ZXDC: variants seen among roughly 807,000 people sequenced by gnomAD.
ZXDC encodes the protein ZXD family zinc finger C.
ZXDC carries 58 observed loss-of-function variants against 63.6 expected under a neutral mutation model. The ratio of observed to expected loss-of-function variants is 0.91; its 90% CI spans 0.74 to 1.13. ZXDC has a LOEUF of 1.13. ZXDC is among the 50% of genes most tolerant of loss of function. ZXDC has a pLI of 0.00. For synonymous variants in ZXDC, 561 were observed against 496.1 expected, an observed-to-expected ratio of 1.13 and a Z score of -1.74; for missense variants, 1,133 against 1,148.9, an observed-to-expected ratio of 0.99 and a Z score of 0.20.
At chr3:126,472,384 G>C in intron 1 of ZXDC, 79 bp from the exon 2 acceptor site, 1 of 1,527,776 alleles carries the variant, frequency 6.5e-7, no homozygotes, top group South Asian at 1.2e-5. Flanking sequence ...ACACCCACCA[G>C]ACCCTGTTCA....
intron 7 of ZXDC, chr3:126,452,249 G>A (rs989855768): frequency 3.2e-5 from 32 of 985,254 alleles, no homozygotes; most frequent in Middle Eastern, 5.2e-4. Flanking sequence ...GTCATTTTCC[G>A]TTTTCTTAGA....
intron 7 of ZXDC, among the ~76,000 whole-genome samples, chr3:126,444,141 C>T (rs1015177784): frequency 1.3e-5 from 2 of 152,134 alleles, no homozygotes; most frequent in Non-Finnish European, 2.9e-5. Context: ...GCAGCAGGGC[C>T]GGTGCTGCAG....
At chr3:126,456,788 G>A (rs1314565915) in intron 7 of ZXDC, among the ~76,000 whole-genome samples, 1 of 152,174 alleles carries the variant, frequency 6.6e-6, no homozygotes, top group Non-Finnish European at 1.5e-5. Context: ...CCCACATACA[G>A]TCTCAAAGCA....
chr3:126,475,357 G>GGGCCGGAGGCCTGGGGCGCGCGGC lies in ZXDC; in HGVS notation c.485_508dup (p.Arg162_Gly169dup). ...GGGGCAGCGGTAGCCGGGCGTGCTG[G>GGGCCGGAGGCCTGGGGCGCGCGGC]GGCCGGAGGCCTGGGGCGCGCGGCG... On this transcript the variant is annotated inframe_insertion, in exon 1 of 10. Coordinates refer to ENST00000389709, the MANE Select transcript of ZXDC (RefSeq NM_025112.5). 1 of 1,482,916 alleles carries GGGCCGGAGGCCTGGGGCGCGCGGC rather than the reference G, an allele frequency of 6.7e-7. No homozygotes were observed. Among genetic ancestry groups the GGGCCGGAGGCCTGGGGCGCGCGGC allele is most frequent in the Non-Finnish European group, 9.0e-7 (1 of 1,116,804 alleles). The allele number at this position is 1,482,916 out of a possible 1,614,324, so 91.9% of individuals were successfully genotyped here.
intron 7 of ZXDC, chr3:126,453,653 C>T: frequency 7.1e-6 from 7 of 985,434 alleles, no homozygotes; most frequent in Non-Finnish European, 8.4e-6. Flanking sequence ...CTTATAAACA[C>T]ATGGCCTATC....
At chr3:126,467,740 C>A (rs1402421080) in intron 4 of ZXDC, among the ~76,000 whole-genome samples, 1 of 152,164 alleles carries the variant, frequency 6.6e-6, no homozygotes, top group Admixed American at 6.5e-5. Flanking sequence ...CCTCTGCATG[C>A]CCTGCTCACC....
Position 126,459,751 on chromosome 3 carries a change from A to G in ZXDC, c.2128-14T>C. ...GCCCCCACTTTCCTGAGACCAAAGA[A>G]AAGCATGTCAGTCACTTATCTAGAC... On this transcript the variant is annotated splice_polypyrimidine_tract_variant and intron_variant, in intron 6 of 9. Transcript: ENST00000389709. 6.2e-7 allele frequency: 1 copy of G among 1,614,154 alleles called. No individual in the cohort carries two copies. Among genetic ancestry groups the G allele is most frequent in the Non-Finnish European group, 8.5e-7 (1 of 1,180,020 alleles).
chr3:126,438,373 C>G lies in ZXDC; in HGVS notation c.*2G>C, dbSNP rs968930049. 1 of 1,611,690 alleles carries G rather than the reference C, an allele frequency of 6.2e-7. No homozygotes were observed. Among genetic ancestry groups the G allele is most frequent in the African/African-American group, 1.3e-5 (1 of 74,882 alleles). On this transcript the variant is annotated 3_prime_UTR_variant, in exon 10 of 10. Coordinates refer to ENST00000389709, the MANE Select transcript of ZXDC (RefSeq NM_025112.5). The stretch of plus-strand genomic sequence containing the variant: ...TTGGGCCTGCCCAGGCCGAGGCTGC[C>G]GTCACTGCAGATCCTGCAGGTTGAT...
Position 126,438,448 on chromosome 3 carries a change from G to A in ZXDC, c.2504C>T (p.Ser835Leu). The A allele has an allele frequency of 1.9e-6, 3 of 1,613,760 alleles. No individual in the cohort carries two copies. The highest frequency in any genetic ancestry group is 1.1e-5 in the South Asian group (1 of 91,014). ...CTCCGGTCCAGCAGGGCCTCCAGAT[G>A]AGGGGAGCACCTCCTGCAAAACCAA... Reference protein sequence around the residue: ...PVYVLQEVLPSSGGPAGPEAT... With the variant: ...PVYVLQEVLPLSGGPAGPEAT... Residue 835 changes from serine (S) to leucine (L), a missense_variant, in exon 10 of 10, where the codon TCA (serine) becomes TTA (leucine). Physicochemically the swap from Ser to Leu is moderately radical, Grantham distance 145. Transcript: ENST00000389709.
chr3:126,474,928 G>GCAGC, intron 1 of ZXDC, 31 bp downstream of exon 1: 1 of 1,534,064 alleles, frequency 6.5e-7, no homozygotes, highest in Non-Finnish European at 8.8e-7. Flanking sequence ...GCAACACCGC[G>GCAGC]CAGCCCGCCC....
chr3:126,451,030 G>T (rs377374828), intron 7 of ZXDC: 2 of 567,670 alleles, frequency 3.5e-6, no homozygotes, highest in South Asian at 7.7e-5. Flanking sequence ...CCCATGGAAA[G>T]GAAAGGGACT....
chr3:126,452,014 T>C (rs1934123878), intron 7 of ZXDC: 1 of 985,278 alleles, frequency 1.0e-6, no homozygotes, highest in Admixed American at 6.2e-5. Context: ...TCATTCTTTA[T>C]TCTGTATGGA....
chr3:126,461,284 A>C, intron 6 of ZXDC: 1 of 1,297,756 alleles, frequency 7.7e-7, no homozygotes, highest in Non-Finnish European at 9.8e-7. Context: ...GAGCCACAGG[A>C]CTCCAAAGGA....
At chr3:126,452,232 CCT>C (rs1452525140) in intron 7 of ZXDC, 1 of 985,322 alleles carries the variant, frequency 1.0e-6, no homozygotes, top group Non-Finnish European at 1.2e-6. Context: ...CAGTGCAAAT[CCT>C]CTATGTCATT....
chr3:126,458,216 T>C (rs1417375957), intron 7 of ZXDC, among the ~76,000 whole-genome samples: 1 of 146,464 alleles, frequency 6.8e-6, no homozygotes, highest in African/African-American at 2.5e-5. Context: ...TAGATGGCTA[T>C]AATTTTTTTT....
Position 126,474,983 on chromosome 3 carries a change from G to T in ZXDC, c.883C>A (p.Arg295Ser). The T allele has an allele frequency of 1.3e-6, 2 of 1,589,352 alleles. No individual in the cohort carries two copies. Among genetic ancestry groups the T allele is most frequent in the Non-Finnish European group, 8.6e-7 (1 of 1,168,366 alleles). Reference sequence around the variant, plus strand: ...CCGGGAAAGTCACACTTGTAAGGGCGCTCGGGCTCGAAGTGGCTGCGCTGG... The same window carrying T: ...CCGGGAAAGTCACACTTGTAAGGGCTCTCGGGCTCGAAGTGGCTGCGCTGG... ...SHQRSHFEPERPYKCDFPGCE... is the reference protein window; with the variant it reads ...SHQRSHFEPESPYKCDFPGCE... Residue 295 changes from arginine to serine, a missense_variant, in exon 1 of 10, where the codon CGC (arginine) becomes AGC (serine). By Grantham distance (110) the Arg-to-Ser change is moderately radical. Transcript: ENST00000389709.
intron 7 of ZXDC, among the ~76,000 whole-genome samples, chr3:126,445,435 T>C (rs1335295176): frequency 1.3e-5 from 2 of 152,052 alleles, no homozygotes; most frequent in Admixed American, 1.3e-4. Context: ...ATTAAAGTTT[T>C]AATGTCGGTA....
intron 4 of ZXDC, among the ~76,000 whole-genome samples, chr3:126,468,349 T>G (rs1934856732): frequency 6.6e-6 from 1 of 152,176 alleles, no homozygotes; most frequent in Non-Finnish European, 1.5e-5. Context: ...TGCCTTCTAC[T>G]TTTTATTACA....
intron 6 of ZXDC, chr3:126,460,827 T>G: frequency 2.0e-6 from 2 of 985,418 alleles, no homozygotes; most frequent in Non-Finnish European, 2.4e-6. Context: ...TTTTAAAAGT[T>G]GTGGTAAAAT....
Sources: gnomAD v4.1 joint callset for allele counts (sites outside exome capture counted in the v4.1 genomes callset) on GRCh38, gnomAD v4.1.1 for gene constraint, MANE v1.5 for transcripts, NCBI Gene and HGNC (gene_info 2026-07-23, HGNC 2026-07-21) for gene names.